GPR176: variants seen among roughly 807,000 people sequenced by gnomAD.
GPR176 encodes G-protein coupled receptor 176.
GPR176 carries 26 observed loss-of-function variants against 35.4 expected under a neutral mutation model. That is an observed-to-expected ratio of 0.74 (90% confidence interval 0.54 to 1.02). GPR176 has a LOEUF of 1.02. GPR176 is among the 50% of genes least tolerant of loss of function. The pLI is 0.00. For missense variants in GPR176, 597 were observed against 665.3 expected, an observed-to-expected ratio of 0.90 and a Z score of 1.13; for synonymous variants, 278 against 271.3, an observed-to-expected ratio of 1.02 and a Z score of -0.24.
At chr15:39,853,369 G>A (rs1299487137) in intron 1 of GPR176, among the ~76,000 whole-genome samples, 1 of 152,162 alleles carries the variant, frequency 6.6e-6, no homozygotes. Context: ...CAAATTCATA[G>A]AGACAGAAAG....
At chr15:39,820,074 C>T (rs1002610248) in intron 1 of GPR176, among the ~76,000 whole-genome samples, 1 of 152,172 alleles carries the variant, frequency 6.6e-6, no homozygotes, top group Non-Finnish European at 1.5e-5. Flanking sequence ...GACACTCTCC[C>T]ACTACTGAGG....
At chr15:39,905,179 G>C (rs933782054) in intron 1 of GPR176, among the ~76,000 whole-genome samples, 1 of 152,218 alleles carries the variant, frequency 6.6e-6, no homozygotes, top group African/African-American at 2.4e-5. Context: ...TTGTGGAGGA[G>C]AGAATTCTTT....
intron 1 of GPR176, among the ~76,000 whole-genome samples, chr15:39,835,574 C>G (rs926255231): frequency 6.6e-6 from 1 of 152,044 alleles, no homozygotes; most frequent in African/African-American, 2.4e-5. Context: ...AATACTGGGC[C>G]CCCATTCTCA....
rs145962508 is a variant in GPR176 at position 39,807,074 on chromosome 15, G to A, written c.357C>T (p.Val119=). The change falls in exon 2 of 3, where the codon GTC becomes GTT. Residue 119 remains valine (V), a synonymous_variant. Transcript: ENST00000561100. ...AGAATACTTTGTGCAAAAATTTGACGACCTTGCAGAAGAGCATGGTGTAGA... is the reference window on the plus strand; with the variant it reads ...AGAATACTTTGTGCAAAAATTTGACAACCTTGCAGAAGAGCATGGTGTAGA... ...WWIYTMLFCK[V]VKFLHKVFCS... 2,151 of 1,613,338 alleles carry A rather than the reference G, an allele frequency of 1.3e-3. 3 individuals carry two copies. The highest frequency in any genetic ancestry group is 1.7e-3 in the Non-Finnish European group (1,979 of 1,179,446).
At position 39,868,827 on chromosome 15, in the gene GPR176, C is replaced by T. The variant is rs1030028705; in HGVS notation, c.172+51028G>A. ...TTGTGCCCATACGAAGGGGCAGGAG[C>T]CAGGCCAGTGTCTGTCCTCTGCAGA... On this transcript the variant is annotated intron_variant, in intron 1 of 2. Transcript: ENST00000561100. Among the ~76,000 whole-genome samples the T allele has an allele frequency of 4.6e-5, 7 of 152,220 alleles. No individual in the cohort carries two copies. The East Asian group carries it at 1.2e-3, about 25-fold the overall frequency.
intron 1 of GPR176, among the ~76,000 whole-genome samples, chr15:39,905,226 A>G (rs1290597625): frequency 6.6e-6 from 1 of 152,228 alleles, no homozygotes; most frequent in Non-Finnish European, 1.5e-5. Context: ...CTCTTTTATC[A>G]GCAGACAACA....
chr15:39,801,764 C>G lies in GPR176; in HGVS notation c.916G>C (p.Val306Leu). 1 of 1,613,988 alleles carries G rather than the reference C, an allele frequency of 6.2e-7. No homozygotes were observed. The highest frequency in any genetic ancestry group is 1.7e-5 in the Admixed American group (1 of 60,028). The change falls in exon 3 of 3, where the codon GTT becomes CTT. Residue 306 changes from valine to leucine, a missense_variant. Physicochemically the swap from Val to Leu is conservative, Grantham distance 32. Transcript: ENST00000561100. Reference protein sequence around the residue: ...DTSVFLLLTAVWLPKVSLLAN... With the variant: ...DTSVFLLLTALWLPKVSLLAN... ...AGCAGGGAGACTTTGGGCAGCCAAA[C>G]AGCAGTGAGCAGCAAGAAGACGGAA...
intron 1 of GPR176, among the ~76,000 whole-genome samples, chr15:39,890,655 A>T (rs1278955651): frequency 6.6e-6 from 1 of 152,240 alleles, no homozygotes. Context: ...CATTCATTCT[A>T]GCTACAAATA....
intron 1 of GPR176, among the ~76,000 whole-genome samples, chr15:39,823,962 T>C (rs909463983): frequency 6.6e-6 from 1 of 152,180 alleles, no homozygotes; most frequent in African/African-American, 2.4e-5. Context: ...CCAAATCTCA[T>C]GTTGAAATGT....
At chr15:39,876,613 T>C (rs527774555) in intron 1 of GPR176, among the ~76,000 whole-genome samples, 1 of 152,322 alleles carries the variant, frequency 6.6e-6, no homozygotes, top group East Asian at 1.9e-4. Context: ...ATGAAAGCTA[T>C]TATTTTTCTT....
chr15:39,871,005 C>G (rs541460081), intron 1 of GPR176, among the ~76,000 whole-genome samples: 2 of 152,240 alleles, frequency 1.3e-5, no homozygotes, highest in African/African-American at 4.8e-5. Context: ...TAGTGAGACC[C>G]TGAGCAGAGG....
rs373109109 is a variant in GPR176 at position 39,828,326 on chromosome 15, A to C, written c.173-21068T>G. Among the ~76,000 whole-genome samples the C allele has an allele frequency of 8.5e-5, 13 of 152,322 alleles. No homozygotes were observed. The East Asian group carries it at 1.4e-3, about 16-fold the overall frequency. On this transcript the variant is annotated intron_variant, in intron 1 of 2. Transcript: ENST00000561100. ...CCGGCTCATGGCCTGACTGACATGCATCTCGTTGACACTAACATGTTGTCT... is the reference window on the plus strand; with the variant it reads ...CCGGCTCATGGCCTGACTGACATGCCTCTCGTTGACACTAACATGTTGTCT...
intron 1 of GPR176, among the ~76,000 whole-genome samples, chr15:39,846,466 C>T (rs1383715811): frequency 6.6e-6 from 1 of 152,210 alleles, no homozygotes; most frequent in African/African-American, 2.4e-5. Flanking sequence ...GGAACCTGAA[C>T]ATCTATCCTC....
chr15:39,871,731 A>G (rs1417546245), intron 1 of GPR176, among the ~76,000 whole-genome samples: 1 of 152,176 alleles, frequency 6.6e-6, no homozygotes, highest in African/African-American at 2.4e-5. Flanking sequence ...ATCTGCACGA[A>G]CTTTTCCACC....
At chr15:39,803,102 TCTGTAGTAAAAGGG>T (rs1354938538) in intron 2 of GPR176, among the ~76,000 whole-genome samples, 5 of 152,218 alleles carry the variant, frequency 3.3e-5, no homozygotes, top group African/African-American at 1.2e-4. Context: ...TAGAACCACA[TCTGTAGTAAAAGGG>T]CTGCCACTAG....
chr15:39,800,824 C>T lies in GPR176; in HGVS notation c.*308G>A. 3.5e-6 allele frequency: 1 copy of T among 288,530 alleles called. No homozygotes were observed. Among genetic ancestry groups the T allele is most frequent in the South Asian group, 4.5e-5 (1 of 22,424 alleles). The allele number at this position is 288,530 out of a possible 1,614,324, so 17.9% of individuals were successfully genotyped here. A position where few individuals can be genotyped will look rare whatever the true frequency, so the allele number is the denominator to read the frequency against. ...GCAGAGCCCAGGGAAGTGAGGCATC[C>T]TCAGAAAGTGCACATGGGGTACCCA... On this transcript the variant is annotated 3_prime_UTR_variant, in exon 3 of 3. Coordinates refer to ENST00000561100, the MANE Select transcript of GPR176 (RefSeq NM_007223.3).
At chr15:39,867,260 T>C (rs555807381) in intron 1 of GPR176, among the ~76,000 whole-genome samples, 1 of 152,172 alleles carries the variant, frequency 6.6e-6, no homozygotes, top group Non-Finnish European at 1.5e-5. Flanking sequence ...CAAGGCCAAC[T>C]GACTCTACCA....
chr15:39,896,670 A>T (rs958733042), intron 1 of GPR176, among the ~76,000 whole-genome samples: 1 of 152,250 alleles, frequency 6.6e-6, no homozygotes, highest in African/African-American at 2.4e-5. Context: ...ACCAGGACTT[A>T]AACTCAGAGC....
intron 1 of GPR176, among the ~76,000 whole-genome samples, chr15:39,831,248 G>A (rs990035308): frequency 6.6e-6 from 1 of 152,008 alleles, no homozygotes; most frequent in Non-Finnish European, 1.5e-5. Flanking sequence ...TTCCTCTTTC[G>A]TGTCTGTTTC....
Sources: gnomAD v4.1 joint callset for allele counts (sites outside exome capture counted in the v4.1 genomes callset) on GRCh38, gnomAD v4.1.1 for gene constraint, MANE v1.5 for transcripts, NCBI Gene and HGNC (gene_info 2026-07-23, HGNC 2026-07-21) for gene names.